Variants in CSMD1 observed in about 807,000 individuals in gnomAD.
The protein encoded by CSMD1 is CUB and sushi domain-containing protein 1.
A neutral mutation model predicts 417.5 loss-of-function variants in CSMD1; 213 were observed. That is an observed-to-expected ratio of 0.51 (90% CI 0.46 to 0.57). The LOEUF (loss-of-function observed/expected upper bound fraction) is 0.57, where lower values mean the gene tolerates loss of function less well. Among genes scored for constraint, CSMD1 ranks in the 20% least tolerant of loss-of-function variants. CSMD1 has a pLI of 0.00. For missense variants in CSMD1, 6,923 were observed against 4,529.7 expected (o/e 1.53, Z -15.17); for synonymous variants, 2,862 against 1,736.8 (o/e 1.65, Z -16.11).
chr8:3,783,720 G>T (rs1799302838), intron 5 of CSMD1, among the ~76,000 whole-genome samples: 1 of 152,192 alleles, frequency 6.6e-6, no homozygotes, highest in African/African-American at 2.4e-5. Flanking sequence ...CTCCTGAAAG[G>T]TCTCATTCTT....
At chr8:2,986,774 G>T (rs543728766) in intron 54 of CSMD1, among the ~76,000 whole-genome samples, 1 of 152,120 alleles carries the variant, frequency 6.6e-6, no homozygotes, top group Non-Finnish European at 1.5e-5. Flanking sequence ...AAAGTGCTGG[G>T]ATTACAGGCG....
chr8:4,278,892 T>C lies in CSMD1; in HGVS notation c.415+141061A>G, dbSNP rs899891238. Among the ~76,000 whole-genome samples, 7 of 152,182 alleles carry C rather than the reference T, an allele frequency of 4.6e-5. 1 individual carries two copies. The highest frequency in any genetic ancestry group is 2.6e-4 in the Admixed American group (4 of 15,284). The stretch of plus-strand genomic sequence containing the variant: ...TATGTATGTAATAAAGGGAGACTGC[T>C]AGGATAACTTCTCTGAAAGTAACAA... On this transcript the variant is annotated intron_variant, in intron 3 of 69. Coordinates refer to ENST00000635120, the MANE Select transcript of CSMD1 (RefSeq NM_033225.6).
At chr8:3,466,739 T>C (rs1381141935) in intron 12 of CSMD1, among the ~76,000 whole-genome samples, 1 of 152,072 alleles carries the variant, frequency 6.6e-6, no homozygotes, top group African/African-American at 2.4e-5. Flanking sequence ...TGTTTTCTGA[T>C]AATATAATTT....
At chr8:4,962,652 T>G (rs1809584630) in intron 1 of CSMD1, among the ~76,000 whole-genome samples, 1 of 152,178 alleles carries the variant, frequency 6.6e-6, no homozygotes, top group African/African-American at 2.4e-5. Flanking sequence ...TTCAATTTAT[T>G]CAGTGAAGAA....
At chr8:4,287,916 C>A (rs1027187843) in intron 3 of CSMD1, among the ~76,000 whole-genome samples, 1 of 152,070 alleles carries the variant, frequency 6.6e-6, no homozygotes. Context: ...CATCACATAT[C>A]TATGGTCATG....
intron 22 of CSMD1, among the ~76,000 whole-genome samples, chr8:3,347,188 C>G (rs771918049): frequency 3.9e-5 from 6 of 152,224 alleles, no homozygotes; most frequent in Non-Finnish European, 7.3e-5. Context: ...GCGGGTTGGA[C>G]AAGATAGTAT....
At chr8:4,747,826 T>C (rs886471249) in intron 1 of CSMD1, among the ~76,000 whole-genome samples, 6 of 152,206 alleles carry the variant, frequency 3.9e-5, no homozygotes, top group African/African-American at 1.4e-4. Flanking sequence ...CATTTGTAAA[T>C]GTCTCTATTC....
intron 1 of CSMD1, among the ~76,000 whole-genome samples, chr8:4,813,044 C>A (rs896656562): frequency 6.6e-6 from 1 of 152,132 alleles, no homozygotes; most frequent in Admixed American, 6.6e-5. Flanking sequence ...AAAACACAAA[C>A]CCATTTTTAA....
chr8:3,519,469 C>T (rs1219693983), intron 10 of CSMD1, among the ~76,000 whole-genome samples: 4 of 152,140 alleles, frequency 2.6e-5, no homozygotes, highest in Non-Finnish European at 4.4e-5. Context: ...GAAACACAGG[C>T]TCACAATTGA....
At chr8:3,990,719 T>C (rs538952616) in intron 5 of CSMD1, among the ~76,000 whole-genome samples, 2 of 152,294 alleles carry the variant, frequency 1.3e-5, no homozygotes, top group East Asian at 1.9e-4. Context: ...TTCTAGGCAA[T>C]AAGACAGTCG....
chr8:4,228,046 G>A (rs1801468507), intron 3 of CSMD1, among the ~76,000 whole-genome samples: 1 of 151,202 alleles, frequency 6.6e-6, no homozygotes, highest in Non-Finnish European at 1.5e-5. Flanking sequence ...CCCACACCAG[G>A]AAGCACGCCC....
chr8:3,555,572 G>A (rs574973111), intron 10 of CSMD1, among the ~76,000 whole-genome samples: 2 of 152,274 alleles, frequency 1.3e-5, no homozygotes, highest in Non-Finnish European at 2.9e-5. Context: ...TGAAGCTTTT[G>A]TGTAAGTTTA....
At chr8:4,248,957 T>C (rs546959952) in intron 3 of CSMD1, among the ~76,000 whole-genome samples, 20 of 152,342 alleles carry the variant, frequency 1.3e-4, no homozygotes, top group African/African-American at 3.8e-4. Context: ...ACCATAATGC[T>C]ACTTTTAATA....
intron 49 of CSMD1, among the ~76,000 whole-genome samples, chr8:3,076,205 C>T (rs908213836): frequency 4.6e-5 from 7 of 152,186 alleles, no homozygotes; most frequent in Non-Finnish European, 1.0e-4. Flanking sequence ...CCGCAGGTGT[C>T]GGCGGGGCTG....
At position 4,615,188 on chromosome 8, in the gene CSMD1, C is replaced by G. The variant is rs186995143; in HGVS notation, c.302+22154G>C. 3.9e-5 allele frequency among the ~76,000 whole-genome samples: 6 copies of G among 152,272 alleles called. No individual in the cohort carries two copies. The East Asian group carries it at 1.2e-3, about 29-fold the overall frequency. ...AAATCTATTATCGCCCTTACACTCTCCATGCAAAGAGAAACAGAAGGAAAT... is the reference window on the plus strand; with the variant it reads ...AAATCTATTATCGCCCTTACACTCTGCATGCAAAGAGAAACAGAAGGAAAT... On this transcript the variant is annotated intron_variant, in intron 2 of 69. Coordinates refer to ENST00000635120, the MANE Select transcript of CSMD1 (RefSeq NM_033225.6).
intron 2 of CSMD1, among the ~76,000 whole-genome samples, chr8:4,534,166 G>C (rs1426952262): frequency 6.6e-6 from 1 of 152,156 alleles, no homozygotes; most frequent in Non-Finnish European, 1.5e-5. Flanking sequence ...CATCAGAAAA[G>C]AGAAAGCATT....
chr8:3,137,088 T>C (rs1245943543), intron 41 of CSMD1, among the ~76,000 whole-genome samples: 2 of 152,184 alleles, frequency 1.3e-5, no homozygotes, highest in Admixed American at 1.3e-4. Flanking sequence ...CCAGCCTTTA[T>C]CATTTCTTTG....
intron 3 of CSMD1, among the ~76,000 whole-genome samples, chr8:4,225,002 T>C (rs565871374): frequency 9.9e-5 from 15 of 152,206 alleles, no homozygotes; most frequent in East Asian, 1.9e-4. Context: ...ATCCCAGCTA[T>C]TGGGGAGGCT....
At chr8:4,240,319 T>G (rs1156731232) in intron 3 of CSMD1, among the ~76,000 whole-genome samples, 2 of 152,172 alleles carry the variant, frequency 1.3e-5, no homozygotes, top group African/African-American at 4.8e-5. Context: ...AAGTTAAACT[T>G]CTGGTGTTGC....
Sources: gnomAD v4.1 joint callset for allele counts (sites outside exome capture counted in the v4.1 genomes callset) on GRCh38, gnomAD v4.1.1 for gene constraint, MANE v1.5 for transcripts, NCBI Gene and HGNC (gene_info 2026-07-23, HGNC 2026-07-21) for gene names.